The following UNC93A variants were observed in gnomAD, a reference collection of about 807,000 sequenced individuals.
UNC93A encodes N-acetylglucosamine transporter UNC93A.
In UNC93A, 43 loss-of-function variants were observed where a neutral mutation model predicts 47.5. The ratio of observed to expected loss-of-function variants is 0.91; its 90% confidence interval spans 0.71 to 1.17. UNC93A has a LOEUF of 1.17. Ranked by LOEUF, UNC93A falls within the 50% of genes most tolerant of loss-of-function variation. The probability of loss-of-function intolerance (pLI) is 0.00; values close to 1 mark genes in which losing one functional copy is unlikely to be tolerated. For synonymous variants in UNC93A, 280 were observed against 258.0 expected, an observed-to-expected ratio of 1.09 and a Z score of -0.82; for missense variants, 605 against 577.6, an observed-to-expected ratio of 1.05 and a Z score of -0.49.
At chr6:167,270,438 T>A (rs1021619426), upstream of UNC93A, among the ~76,000 whole-genome samples, 3 of 151,888 alleles carry the variant, frequency 2.0e-5, no homozygotes, top group Non-Finnish European at 4.4e-5. Context: ...GTCAGGGAGC[T>A]TTCAGTGGGA....
intron 1 of UNC93A, among the ~76,000 whole-genome samples, chr6:167,292,936 A>G (rs1364186274): frequency 6.6e-6 from 1 of 152,064 alleles, no homozygotes; most frequent in African/African-American, 2.4e-5. Context: ...TGGGGTCAGC[A>G]TTCCTAGGAA....
intron 4 of UNC93A, among the ~76,000 whole-genome samples, chr6:167,300,515 C>T (rs1562353936): frequency 1.3e-5 from 2 of 152,118 alleles, no homozygotes; most frequent in Admixed American, 1.3e-4. Context: ...TGTTGATGCC[C>T]ATCAGGCGAG....
Position 167,315,362 on chromosome 6 carries a change from G to A in UNC93A, c.1284G>A (p.Val428=). The A allele has an allele frequency of 6.2e-7, 1 of 1,613,940 alleles. No individual in the cohort carries two copies. Among genetic ancestry groups the A allele is most frequent in the Non-Finnish European group, 8.5e-7 (1 of 1,179,870 alleles). The change falls in exon 8 of 8, where the codon GTG becomes GTA. Residue 428 remains valine (V), a synonymous_variant. Transcript: ENST00000230256. ...TGACCATGGTGGCGTATGGGCTTGT[G>A]GAGTGCGTGGAGTCCAAGAACCCGA... ...LSLTMVAYGL[V]ECVESKNPIR... is the part of the protein sequence containing the mutation.
At chr6:167,276,231 T>C (rs73257118) in intron 1 of UNC93A, among the ~76,000 whole-genome samples, 9,992 of 152,122 alleles carry the variant, frequency 0.066, 640 homozygotes, top group African/African-American at 0.17. Context: ...GTATATATAC[T>C]GCATTCTTCA....
chr6:167,275,458 T>C (rs1156827581), intron 1 of UNC93A, among the ~76,000 whole-genome samples: 1 of 152,200 alleles, frequency 6.6e-6, no homozygotes, highest in Non-Finnish European at 1.5e-5. Context: ...CTCTCCACAT[T>C]TGGGCTTTCA....
At chr6:167,307,932 CT>C (rs1398996068) in intron 7 of UNC93A, 22 bp downstream of exon 7, 12 of 1,612,364 alleles carry the variant, frequency 7.4e-6, no homozygotes, top group Non-Finnish European at 1.0e-5. Flanking sequence ...GCCCAGGCCC[CT>C]TCCTCTGTGG....
upstream of UNC93A, among the ~76,000 whole-genome samples, chr6:167,287,858 G>C (rs532825325): frequency 6.6e-6 from 1 of 152,250 alleles, no homozygotes; most frequent in South Asian, 2.1e-4. Context: ...CTCACCTAGC[G>C]TTGCCGCCCT....
At chr6:167,294,412 T>G in intron 1 of UNC93A, 105 bp from the exon 2 acceptor site, 1 of 1,381,692 alleles carries the variant, frequency 7.2e-7, no homozygotes, top group South Asian at 1.3e-5. Context: ...TGGCGGTTCC[T>G]GGGAGCTGTG....
intron 1 of UNC93A, among the ~76,000 whole-genome samples, chr6:167,285,937 T>TG (rs1491525633): frequency 8.4e-6 from 1 of 119,444 alleles, no homozygotes; most frequent in Non-Finnish European, 1.8e-5. Context: ...GTTAGTTTTC[T>TG]TTCTCTCTCT....
intron 1 of UNC93A, among the ~76,000 whole-genome samples, chr6:167,280,597 C>A (rs6917260): frequency 0.22 from 32,846 of 152,018 alleles, 3,794 homozygotes; most frequent in African/African-American, 0.29. Context: ...AGACAGAGAG[C>A]CCCGAGGCCG....
intron 1 of UNC93A, among the ~76,000 whole-genome samples, chr6:167,279,254 GAGAT>G (rs1218130420): frequency 2.0e-5 from 3 of 152,102 alleles, no homozygotes; most frequent in Non-Finnish European, 4.4e-5. Flanking sequence ...TATATAGAGA[GAGAT>G]AGATAGAGAG....
chr6:167,294,442 A>C, intron 1 of UNC93A, 75 bp from the exon 2 acceptor site: 1 of 1,545,382 alleles, frequency 6.5e-7, no homozygotes. Context: ...AGCCTGGGGG[A>C]CACTGAGGAC....
At chr6:167,294,444 A>G (rs1051222210) in intron 1 of UNC93A, 73 bp from the exon 2 acceptor site, 1 of 1,553,526 alleles carries the variant, frequency 6.4e-7, no homozygotes, top group Non-Finnish European at 8.8e-7. Flanking sequence ...CCTGGGGGAC[A>G]CTGAGGACCT....
Position 167,304,140 on chromosome 6 carries a change from A to G in UNC93A, c.840+7A>G. 6.2e-7 allele frequency: 1 copy of G among 1,614,086 alleles called. No homozygotes were observed. The highest frequency in any genetic ancestry group is 8.5e-7 in the Non-Finnish European group (1 of 1,179,998). ...CTCCAGCGAATACACAAGGGTATGA[A>G]CGAAAGTGAGGGCCGGTGGCTCAGG... On this transcript the variant is annotated splice_region_variant and intron_variant, in intron 5 of 7. Transcript: ENST00000230256.
rs1456757724 is a variant in UNC93A at position 167,306,046 on chromosome 6, G to T, written c.972G>T (p.Val324=). The T allele has an allele frequency of 6.2e-7, 1 of 1,614,092 alleles. No individual in the cohort carries two copies. The highest frequency in any genetic ancestry group is 8.5e-7 in the Non-Finnish European group (1 of 1,180,022). Residue 324 remains valine, a synonymous_variant, in exon 6 of 8, where the codon GTG becomes GTT. Coordinates refer to ENST00000230256, the MANE Select transcript of UNC93A (RefSeq NM_018974.4). ...SQYTGRAVLY[V]LGAVTHVSCM... ...ACACGGGCAGGGCTGTGCTGTACGTGCTGGGTAGGTATCAGCGTGGGTCCC... is the reference window on the plus strand; with the variant it reads ...ACACGGGCAGGGCTGTGCTGTACGTTCTGGGTAGGTATCAGCGTGGGTCCC...
chr6:167,304,274 A>C lies in UNC93A; in HGVS notation c.840+141A>C. 2.4e-6 allele frequency: 2 copies of C among 836,214 alleles called. 1 individual carries two copies. The highest frequency in any genetic ancestry group is 4.9e-5 in the East Asian group (2 of 40,888). 51.8% of individuals were successfully genotyped at this position (836,214 alleles called of 1,614,324 possible). On this transcript the variant is annotated intron_variant, in intron 5 of 7. Transcript: ENST00000230256. ...GGAGGGAGCGGGGTCCTATGCTCCC[A>C]GTGCTACCATAGCTGAGTTTATGAT...
At chr6:167,308,193 G>C (rs1445789393) in intron 7 of UNC93A, among the ~76,000 whole-genome samples, 1 of 152,178 alleles carries the variant, frequency 6.6e-6, no homozygotes, top group Non-Finnish European at 1.5e-5. Flanking sequence ...GCCCATTCGA[G>C]CTGGGGTGCA....
Position 167,315,526 on chromosome 6 carries a change from A to G in UNC93A, c.*74A>G. 2 of 1,609,710 alleles carry G rather than the reference A, an allele frequency of 1.2e-6. No individual in the cohort carries two copies. Among genetic ancestry groups the G allele is most frequent in the Middle Eastern group, 1.8e-4 (1 of 5,636 alleles). ...ATTTTCTTAGAAGATGCCTCAGGAC[A>G]TAGAGCGGCTCCTCATCACCATCTC... On this transcript the variant is annotated 3_prime_UTR_variant, in exon 8 of 8. Transcript: ENST00000230256.
upstream of UNC93A, among the ~76,000 whole-genome samples, chr6:167,270,459 G>C (rs1399471692): frequency 6.6e-6 from 1 of 152,080 alleles, no homozygotes; most frequent in Non-Finnish European, 1.5e-5. Context: ...TGAGGGAGCA[G>C]GGCCCCATCA....
Sources: allele counts gnomAD v4.1 joint callset (sites outside exome capture counted in the v4.1 genomes callset), GRCh38; gene constraint gnomAD v4.1.1; transcripts MANE v1.5; gene names NCBI Gene and HGNC (gene_info 2026-07-23, HGNC 2026-07-21).